Variants in THEMIS observed in about 807,000 individuals in gnomAD.
THEMIS encodes the protein protein THEMIS.
THEMIS carries 37 observed loss-of-function variants against 52.6 expected under a neutral mutation model. That is an observed-to-expected ratio of 0.70 (90% CI 0.54 to 0.93). The LOEUF (loss-of-function observed/expected upper bound fraction) is 0.93. Ranked by LOEUF, THEMIS falls within the 40% of genes least tolerant of loss-of-function variation. The pLI is 0.00. For missense variants in THEMIS, 808 were observed against 763.1 expected (o/e 1.06, Z -0.69); for synonymous variants, 292 against 272.7 (o/e 1.07, Z -0.70).
the THEMIS span, among the ~76,000 whole-genome samples, chr6:127,698,108 T>A: frequency 2.0e-5 from 3 of 152,282 alleles, no homozygotes; most frequent in African/African-American, 7.2e-5. Flanking sequence ...TGAGAAAATT[T>A]AAAAATAGCC....
At chr6:127,796,597 A>G (rs1485921029) in intron 4 of THEMIS, among the ~76,000 whole-genome samples, 1 of 152,226 alleles carries the variant, frequency 6.6e-6, no homozygotes, top group Non-Finnish European at 1.5e-5. Context: ...AAGCATTGCC[A>G]AAACTATATG....
intron 2 of THEMIS, among the ~76,000 whole-genome samples, chr6:127,849,758 G>T (rs944907101): frequency 2.6e-5 from 4 of 151,942 alleles, no homozygotes; most frequent in African/African-American, 9.7e-5. Context: ...ATGGGTCAAA[G>T]GTTGATATAT....
At chr6:127,721,559 T>C (rs1774362661) in intron 4 of THEMIS, among the ~76,000 whole-genome samples, 1 of 152,024 alleles carries the variant, frequency 6.6e-6, no homozygotes. Flanking sequence ...CTAGCAATAC[T>C]ACAAAAGACA....
At position 127,709,025 on chromosome 6, in the gene THEMIS, T is replaced by C. The variant is rs950808677; in HGVS notation, c.*960A>G. The C allele has an allele frequency of 1.3e-5, 2 of 151,988 alleles. No homozygotes were observed. The highest frequency in any genetic ancestry group is 4.8e-5 in the African/African-American group (2 of 41,422). 9.4% of individuals were successfully genotyped at this position (151,988 alleles called of 1,614,324 possible). On this transcript the variant is annotated 3_prime_UTR_variant, in exon 6 of 6. Transcript: ENST00000368248. ...CATTTTGTTAAAGGAAAAATAATAT[T>C]GTTCCTGTATACTTAATACATAATA... is the stretch of plus-strand genomic sequence containing the variant.
At chr6:127,738,046 A>G (rs1775066177) in intron 4 of THEMIS, among the ~76,000 whole-genome samples, 1 of 152,144 alleles carries the variant, frequency 6.6e-6, no homozygotes, top group Admixed American at 6.6e-5. Flanking sequence ...TGTTCTACTT[A>G]TAACTAATAG....
chr6:127,844,362 A>G (rs1779146098), intron 2 of THEMIS, among the ~76,000 whole-genome samples: 1 of 151,986 alleles, frequency 6.6e-6, no homozygotes, highest in Admixed American at 6.6e-5. Flanking sequence ...TGGACAGGAT[A>G]GGGTAAAGGG....
chr6:127,882,132 T>C (rs1004797681), intron 1 of THEMIS, among the ~76,000 whole-genome samples: 4 of 151,976 alleles, frequency 2.6e-5, no homozygotes, highest in African/African-American at 7.2e-5. Flanking sequence ...TAGCAATTTT[T>C]TAACTTTATG....
At chr6:127,854,907 A>AT in intron 2 of THEMIS, 123 bp downstream of exon 2, 2 of 786,266 alleles carry the variant, frequency 2.5e-6, no homozygotes, top group South Asian at 4.2e-5. Context: ...ACAATTCCGG[A>AT]TTTTCCCCCC....
At chr6:127,730,339 AAGAAG>A (rs1223558874) in intron 4 of THEMIS, among the ~76,000 whole-genome samples, 17 of 150,426 alleles carry the variant, frequency 1.1e-4, no homozygotes, top group African/African-American at 3.2e-4. Flanking sequence ...AAGAAAAGAA[AAGAAG>A]AGAAGAGAAG....
chr6:127,915,007 T>G (rs1342647), intron 1 of THEMIS, among the ~76,000 whole-genome samples: 2,669 of 152,256 alleles, frequency 0.018, 85 homozygotes, highest in African/African-American at 0.06. Flanking sequence ...ATTGAACCAT[T>G]TTTAGAATCA....
At chr6:127,901,989 T>G (rs566772824), upstream of THEMIS, among the ~76,000 whole-genome samples, 3 of 152,010 alleles carry the variant, frequency 2.0e-5, no homozygotes, top group East Asian at 5.8e-4. Flanking sequence ...TATATACAAT[T>G]AAAGGTGGTA....
At chr6:127,785,660 G>A (rs1424223751) in intron 4 of THEMIS, among the ~76,000 whole-genome samples, 1 of 151,720 alleles carries the variant, frequency 6.6e-6, no homozygotes, top group Non-Finnish European at 1.5e-5. Flanking sequence ...TGGTGAACCA[G>A]GTTAGCCATC....
intron 4 of THEMIS, among the ~76,000 whole-genome samples, chr6:127,777,689 C>T (rs1018921847): frequency 2.0e-5 from 3 of 152,138 alleles, no homozygotes; most frequent in African/African-American, 7.2e-5. Flanking sequence ...ACAAACACCA[C>T]TGTGCTCAGT....
intron 3 of THEMIS, among the ~76,000 whole-genome samples, chr6:127,815,814 A>T (rs1778109180): frequency 6.6e-6 from 1 of 152,160 alleles, no homozygotes; most frequent in South Asian, 2.1e-4. Flanking sequence ...GAAGAGCTAG[A>T]GATTAGTAGA....
intron 4 of THEMIS, among the ~76,000 whole-genome samples, chr6:127,792,963 T>C (rs1367351003): frequency 6.6e-6 from 1 of 152,204 alleles, no homozygotes; most frequent in Non-Finnish European, 1.5e-5. Flanking sequence ...GGTAGATTTC[T>C]TTCCATTTGC....
intron 4 of THEMIS, among the ~76,000 whole-genome samples, chr6:127,806,020 C>T (rs1777690200): frequency 6.6e-6 from 1 of 151,656 alleles, no homozygotes; most frequent in African/African-American, 2.4e-5. Flanking sequence ...ACATAAATAT[C>T]TAGTGAGCCC....
chr6:127,899,861 G>C (rs1781082538), intron 1 of THEMIS, among the ~76,000 whole-genome samples: 1 of 147,880 alleles, frequency 6.8e-6, no homozygotes, highest in Admixed American at 6.8e-5. Context: ...GCTGATAACA[G>C]CCCATATCAA....
At chr6:127,825,916 T>C (rs1165187432) in intron 3 of THEMIS, among the ~76,000 whole-genome samples, 2 of 152,090 alleles carry the variant, frequency 1.3e-5, no homozygotes, top group Non-Finnish European at 2.9e-5. Flanking sequence ...AAAACAGTTA[T>C]GGAGAAATGG....
upstream of THEMIS, among the ~76,000 whole-genome samples, chr6:127,905,829 AAT>A (rs1781255442): frequency 1.3e-5 from 1 of 77,434 alleles, no homozygotes; most frequent in Non-Finnish European, 4.8e-5. Flanking sequence ...ATGGTAAATG[AAT>A]GATAAAATTA....
Sources: allele counts gnomAD v4.1 joint callset (sites outside exome capture counted in the v4.1 genomes callset), GRCh38; gene constraint gnomAD v4.1.1; transcripts MANE v1.5; gene names NCBI Gene and HGNC (gene_info 2026-07-23, HGNC 2026-07-21).